Variants in SHC3 observed in about 807,000 individuals in gnomAD.
SHC3 encodes the protein SHC adaptor protein 3.
In SHC3, 15 loss-of-function variants were observed where a neutral mutation model predicts 60.4. The observed-to-expected ratio is 0.25, with a 90% CI of 0.17 to 0.38. The LOEUF (loss-of-function observed/expected upper bound fraction) is 0.38. Ranked by LOEUF, SHC3 falls within the 10% of genes least tolerant of loss-of-function variation. The pLI is 1.00. For missense variants in SHC3, 677 were observed against 786.1 expected, an observed-to-expected ratio of 0.86 and a Z score of 1.66; for synonymous variants, 294 against 325.9, an observed-to-expected ratio of 0.90 and a Z score of 1.05.
chr9:89,034,363 C>T (rs1385316271), intron 11 of SHC3, among the ~76,000 whole-genome samples: 3 of 152,152 alleles, frequency 2.0e-5, no homozygotes, highest in Non-Finnish European at 4.4e-5. Context: ...TTTTTTAGGA[C>T]AATCATCTAA....
chr9:89,046,938 G>C lies in SHC3; in HGVS notation c.1019C>G (p.Pro340Arg), dbSNP rs746221248. 1.2e-6 allele frequency: 2 copies of C among 1,611,316 alleles called. No individual in the cohort carries two copies. Among genetic ancestry groups the C allele is most frequent in the South Asian group, 2.2e-5 (2 of 90,104 alleles). Residue 340 changes from proline to arginine, a missense_variant, in exon 8 of 12, where the codon CCA becomes CGA. Coordinates refer to ENST00000375835, the MANE Select transcript of SHC3 (RefSeq NM_016848.6). ...CTTGCTTGGGATGCTGTTGTAGTATGGGTGGTCTGAGCCATCTCCCTCCTC... is the reference window on the plus strand; with the variant it reads ...CTTGCTTGGGATGCTGTTGTAGTATCGGTGGTCTGAGCCATCTCCCTCCTC... The part of the protein sequence containing the change: ...TEEEGDGSDH[P>R]YYNSIPSKMP...
intron 9 of SHC3, among the ~76,000 whole-genome samples, chr9:89,045,232 G>C (rs1824752369): frequency 6.6e-6 from 1 of 151,992 alleles, no homozygotes. Flanking sequence ...TGGAGCTGCA[G>C]GGAGGCACTA....
intron 6 of SHC3, among the ~76,000 whole-genome samples, chr9:89,055,371 G>C (rs1290656329): frequency 6.6e-6 from 1 of 152,232 alleles, no homozygotes. Context: ...ATCTAAGCAC[G>C]CTCTCAACAC....
chr9:89,016,969 G>T (rs1010056350), intron 11 of SHC3, among the ~76,000 whole-genome samples: 2 of 151,994 alleles, frequency 1.3e-5, no homozygotes, highest in African/African-American at 4.8e-5. Context: ...CTTACCAAGA[G>T]ATTTTTTCTT....
intron 3 of SHC3, among the ~76,000 whole-genome samples, chr9:89,077,519 G>A (rs556493959): frequency 6.6e-6 from 1 of 152,338 alleles, no homozygotes; most frequent in East Asian, 1.9e-4. Flanking sequence ...TAACTCAGTT[G>A]TTGTAGTTAA....
rs1824919178 is a variant in SHC3, at chr9:89,054,624, C to T, written c.836-2461G>A. Among the ~76,000 whole-genome samples, 3 of 152,222 alleles carry T rather than the reference C, an allele frequency of 2.0e-5. No homozygotes were observed. In the East Asian group the frequency reaches 5.8e-4, roughly 29 times the overall value. On this transcript the variant is annotated intron_variant, in intron 6 of 11. Coordinates refer to ENST00000375835, the MANE Select transcript of SHC3 (RefSeq NM_016848.6). ...TCCAGCCTGCTGGGCTTCACCTCTCCCTGAGGAAACAACAAAACCAAAGAT... is the reference window on the plus strand; with the variant it reads ...TCCAGCCTGCTGGGCTTCACCTCTCTCTGAGGAAACAACAAAACCAAAGAT...
intron 1 of SHC3, among the ~76,000 whole-genome samples, chr9:89,152,181 G>A (rs1271080009): frequency 6.6e-6 from 1 of 152,212 alleles, no homozygotes; most frequent in Non-Finnish European, 1.5e-5. Flanking sequence ...AAGCTCCTAA[G>A]TCTTAACTCT....
chr9:89,030,763 C>T (rs909400088), intron 11 of SHC3, among the ~76,000 whole-genome samples: 3 of 152,144 alleles, frequency 2.0e-5, no homozygotes, highest in Non-Finnish European at 2.9e-5. Context: ...TCTTAACACT[C>T]TTCTATTCTA....
At position 89,007,812 on chromosome 9, in the gene SHC3, C is replaced by T. The variant is rs1825962110; in HGVS notation, c.*5635G>A. ...TGTCATTTCCCACAGTGGGTTCCCC[C>T]AATCCCTGTGGTCCTCATGTCCTGT... is the stretch of plus-strand genomic sequence containing the variant. On this transcript the variant is annotated 3_prime_UTR_variant, in exon 12 of 12. Transcript: ENST00000375835. The T allele has an allele frequency of 6.6e-6, 1 of 152,396 alleles. No individual in the cohort carries two copies. The highest frequency in any genetic ancestry group is 2.4e-5 in the African/African-American group (1 of 41,470). 9.4% of individuals were successfully genotyped at this position (152,396 alleles called of 1,614,324 possible).
intron 6 of SHC3, among the ~76,000 whole-genome samples, chr9:89,060,681 T>C (rs1406659437): frequency 1.3e-5 from 2 of 151,902 alleles, no homozygotes; most frequent in Non-Finnish European, 2.9e-5. Flanking sequence ...GACATTTTAT[T>C]TGGAGTGAGC....
At chr9:89,014,433 G>C (rs575432607) in intron 11 of SHC3, among the ~76,000 whole-genome samples, 21 of 152,278 alleles carry the variant, frequency 1.4e-4, no homozygotes, top group African/African-American at 4.6e-4. Context: ...TTGCATGTTT[G>C]ATAAGTGGGA....
chr9:89,131,921 A>G (rs1435380208), intron 1 of SHC3, among the ~76,000 whole-genome samples: 1 of 152,156 alleles, frequency 6.6e-6, no homozygotes, highest in African/African-American at 2.4e-5. Context: ...CAATCAGGCA[A>G]GAGAAAGAAA....
At chr9:89,147,246 A>G (rs1342952357) in intron 1 of SHC3, among the ~76,000 whole-genome samples, 1 of 151,926 alleles carries the variant, frequency 6.6e-6, no homozygotes, top group African/African-American at 2.4e-5. Context: ...TCTGTGCCAC[A>G]CTCATCTTGG....
At chr9:89,022,376 C>A (rs1359796678) in intron 11 of SHC3, among the ~76,000 whole-genome samples, 2 of 152,142 alleles carry the variant, frequency 1.3e-5, no homozygotes, top group Non-Finnish European at 2.9e-5. Flanking sequence ...GCCACCGTCA[C>A]CTGTGGCTTT....
chr9:89,174,570 C>T (rs1826915868), intron 1 of SHC3, among the ~76,000 whole-genome samples: 2 of 152,206 alleles, frequency 1.3e-5, no homozygotes, highest in Non-Finnish European at 2.9e-5. Context: ...AAAACCATTG[C>T]TTTTACATTG....
At chr9:89,051,895 A>G in intron 7 of SHC3, 142 bp downstream of exon 7, 1 of 1,199,266 alleles carries the variant, frequency 8.3e-7, no homozygotes. Context: ...GCCATATCCC[A>G]GCACCGACCA....
At chr9:89,112,770 G>T in intron 1 of SHC3, 144 bp from the exon 2 acceptor site, 1 of 651,998 alleles carries the variant, frequency 1.5e-6, no homozygotes, top group Non-Finnish European at 2.4e-6. Context: ...GCTTTGTTTT[G>T]TTTCTATAAA....
chr9:89,105,550 T>A (rs1036078541), intron 2 of SHC3, among the ~76,000 whole-genome samples: 1 of 152,236 alleles, frequency 6.6e-6, no homozygotes, highest in Admixed American at 6.5e-5. Context: ...TATATGTTTG[T>A]GTATTTCCCT....
At chr9:89,028,564 CTAGA>C (rs1187753495) in intron 11 of SHC3, among the ~76,000 whole-genome samples, 2 of 142,384 alleles carry the variant, frequency 1.4e-5, no homozygotes, top group Admixed American at 7.0e-5. Context: ...TATATCTAAT[CTAGA>C]TATAGATATA....
Sources: allele counts gnomAD v4.1 joint callset (sites outside exome capture counted in the v4.1 genomes callset), GRCh38; gene constraint gnomAD v4.1.1; transcripts MANE v1.5; gene names NCBI Gene and HGNC (gene_info 2026-07-23, HGNC 2026-07-21).